Variants in HYCC2 observed in about 807,000 individuals in gnomAD.
The protein encoded by HYCC2 is hyccin 2.
chr2:201,031,781 A>C, the HYCC2 span, among the ~76,000 whole-genome samples: 1 of 152,146 alleles, frequency 6.6e-6, no homozygotes, highest in Non-Finnish European at 1.5e-5. Flanking sequence ...TTAGATTAAA[A>C]TCTAACAATT....
chr2:201,041,654 C>G, the HYCC2 span, among the ~76,000 whole-genome samples: 2 of 152,320 alleles, frequency 1.3e-5, no homozygotes, highest in South Asian at 4.1e-4. Context: ...TCATTACTTA[C>G]TAATTGTCCA....
the HYCC2 span, among the ~76,000 whole-genome samples, chr2:200,990,637 A>G: frequency 6.6e-6 from 1 of 150,814 alleles, no homozygotes; most frequent in Admixed American, 6.6e-5. Context: ...CAGTGGCATG[A>G]TTTCAGCTCA....
the HYCC2 span, among the ~76,000 whole-genome samples, chr2:201,005,637 C>T: frequency 6.6e-6 from 1 of 152,076 alleles, no homozygotes; most frequent in African/African-American, 2.4e-5. Context: ...CACATTAGTT[C>T]TTTATATAAA....
chr2:201,019,016 G>A, the HYCC2 span, among the ~76,000 whole-genome samples: 291 of 152,274 alleles, frequency 1.9e-3, 1 homozygote, highest in African/African-American at 6.3e-3. Context: ...TCACAAAACA[G>A]TGTATTCTAT....
At chr2:201,062,984 A>T in the HYCC2 span, 1 of 1,353,000 alleles carries the variant, frequency 7.4e-7, no homozygotes. Flanking sequence ...TATTAATAGC[A>T]GCTAACATTT....
chr2:200,979,907 A>C, the HYCC2 span: 1 of 152,640 alleles, frequency 6.6e-6, no homozygotes, highest in East Asian at 1.9e-4. Flanking sequence ...ACCAAATGCT[A>C]CTTACATACA....
At chr2:201,002,764 C>A in the HYCC2 span, among the ~76,000 whole-genome samples, 1 of 152,112 alleles carries the variant, frequency 6.6e-6, no homozygotes, top group Non-Finnish European at 1.5e-5. Context: ...ACTTCGTGAT[C>A]CACCCACCTC....
At chr2:201,033,196 TGA>T in the HYCC2 span, among the ~76,000 whole-genome samples, 192 of 106,228 alleles carry the variant, frequency 1.8e-3, 1 homozygote, top group African/African-American at 2.7e-3. Context: ...TGTGTGTGTG[TGA>T]GAGAGAGAGA....
the HYCC2 span, among the ~76,000 whole-genome samples, chr2:201,031,762 AATATG>A: frequency 1.3e-5 from 2 of 152,226 alleles, no homozygotes; most frequent in African/African-American, 2.4e-5. Context: ...GTTATTTTAG[AATATG>A]ATATTAGATT....
At chr2:200,989,229 G>GT in the HYCC2 span, among the ~76,000 whole-genome samples, 3 of 152,130 alleles carry the variant, frequency 2.0e-5, no homozygotes, top group African/African-American at 7.2e-5. Context: ...AATACTGTTA[G>GT]TAACACTAGA....
At chr2:201,051,797 T>A in the HYCC2 span, among the ~76,000 whole-genome samples, 7 of 152,142 alleles carry the variant, frequency 4.6e-5, no homozygotes, top group Admixed American at 4.6e-4. Flanking sequence ...AATCTGTCAT[T>A]GTGTGGGGTG....
At chr2:201,047,995 T>G in the HYCC2 span, among the ~76,000 whole-genome samples, 2 of 150,258 alleles carry the variant, frequency 1.3e-5, no homozygotes, top group Admixed American at 6.6e-5. Context: ...AACATGGAAA[T>G]GTAGGAAGAA....
At chr2:201,037,025 G>A in the HYCC2 span, among the ~76,000 whole-genome samples, 3 of 152,164 alleles carry the variant, frequency 2.0e-5, no homozygotes, top group Admixed American at 2.0e-4. Flanking sequence ...ATCTCCTTAA[G>A]CTGATAAGCA....
the HYCC2 span, among the ~76,000 whole-genome samples, chr2:201,041,392 T>C: frequency 1.3e-5 from 2 of 152,230 alleles, no homozygotes; most frequent in Non-Finnish European, 2.9e-5. Flanking sequence ...GGCCATACTC[T>C]CCTTTGAGTT....
At chr2:200,998,168 A>C in the HYCC2 span, among the ~76,000 whole-genome samples, 32 of 152,292 alleles carry the variant, frequency 2.1e-4, no homozygotes, top group South Asian at 5.6e-3. Context: ...TCCTTCTTAC[A>C]AGGTACTTTA....
chr2:201,063,494 AT>A, the HYCC2 span: 1 of 1,592,268 alleles, frequency 6.3e-7, no homozygotes, highest in Non-Finnish European at 8.5e-7. Context: ...AGTGATTGAA[AT>A]CATGACTGAC....
the HYCC2 span, among the ~76,000 whole-genome samples, chr2:200,990,329 G>A: frequency 6.6e-6 from 1 of 152,158 alleles, no homozygotes; most frequent in Non-Finnish European, 1.5e-5. Context: ...TCAGGGGATA[G>A]TCAGAGTTGT....
At chr2:200,976,064 A>G in the HYCC2 span, 2 of 152,100 alleles carry the variant, frequency 1.3e-5, no homozygotes, top group Non-Finnish European at 2.9e-5. Context: ...AATCTGGCAA[A>G]TATTCTAATT....
At chr2:201,058,530 C>T in the HYCC2 span, among the ~76,000 whole-genome samples, 5 of 152,160 alleles carry the variant, frequency 3.3e-5, no homozygotes, top group African/African-American at 1.2e-4. Flanking sequence ...CATGGTGAAA[C>T]CCCGTCTCTA....
Sources: gnomAD v4.1 joint callset for allele counts (sites outside exome capture counted in the v4.1 genomes callset) on GRCh38, gnomAD v4.1.1 for gene constraint, MANE v1.5 for transcripts, NCBI Gene and HGNC (gene_info 2026-07-23, HGNC 2026-07-21) for gene names.